Variants in NRXN1 observed in about 807,000 individuals in gnomAD.
NRXN1 encodes neurexin-1.
Under a neutral mutation model 150.9 loss-of-function variants are expected in NRXN1, and 39 were observed. The ratio of observed to expected loss-of-function variants is 0.26; its 90% CI spans 0.20 to 0.34. NRXN1 has a LOEUF of 0.34. Ranked by LOEUF, NRXN1 falls within the 10% of genes least tolerant of loss-of-function variation. NRXN1 has a pLI of 1.00. For missense variants in NRXN1, 1,815 were observed against 1,949.9 expected (o/e 0.93, Z 1.30); for synonymous variants, 924 against 757.0 (o/e 1.22, Z -3.62).
At chr2:50,976,005 T>C (rs908477904) in intron 2 of NRXN1, among the ~76,000 whole-genome samples, 2 of 152,160 alleles carry the variant, frequency 1.3e-5, no homozygotes, top group South Asian at 2.1e-4. Context: ...ATATTTTTTA[T>C]ATTTTGTCCC....
intron 17 of NRXN1, among the ~76,000 whole-genome samples, chr2:50,246,568 A>G (rs2066526635): frequency 6.6e-6 from 1 of 151,954 alleles, no homozygotes; most frequent in African/African-American, 2.4e-5. Context: ...CGTCAAAACC[A>G]TTTACTAATT....
intron 2 of NRXN1, among the ~76,000 whole-genome samples, chr2:50,969,724 G>A (rs973685206): frequency 6.6e-6 from 1 of 152,122 alleles, no homozygotes; most frequent in Non-Finnish European, 1.5e-5. Flanking sequence ...ACTATATCTA[G>A]ATCAAAGCTT....
intron 21 of NRXN1, among the ~76,000 whole-genome samples, chr2:50,006,890 G>C (rs1392625898): frequency 6.6e-6 from 1 of 152,102 alleles, no homozygotes; most frequent in Non-Finnish European, 1.5e-5. Context: ...TGGATCATCA[G>C]AACGATTTAG....
chr2:50,038,738 C>G (rs1429697375), intron 21 of NRXN1, among the ~76,000 whole-genome samples: 1 of 151,428 alleles, frequency 6.6e-6, no homozygotes, highest in South Asian at 2.1e-4. Flanking sequence ...TCCGTCCTTC[C>G]CTCCCTCTCT....
At chr2:49,931,029 G>C (rs1483608884) in intron 22 of NRXN1, among the ~76,000 whole-genome samples, 1 of 152,210 alleles carries the variant, frequency 6.6e-6, no homozygotes, top group Non-Finnish European at 1.5e-5. Flanking sequence ...AGCTACTCGA[G>C]TCCGAGGTGG....
intron 8 of NRXN1, among the ~76,000 whole-genome samples, chr2:50,553,651 AG>A (rs1285425311): frequency 3.3e-5 from 5 of 152,262 alleles, no homozygotes; most frequent in African/African-American, 1.2e-4. Flanking sequence ...AATACTGTTA[AG>A]TAATGTGGCA....
intron 19 of NRXN1, among the ~76,000 whole-genome samples, chr2:50,056,984 C>T (rs962115614): frequency 2.0e-5 from 3 of 152,066 alleles, no homozygotes; most frequent in African/African-American, 7.2e-5. Flanking sequence ...AGACACCATC[C>T]GAATCTAGGT....
intron 5 of NRXN1, among the ~76,000 whole-genome samples, chr2:50,913,686 T>G (rs1684834600): frequency 6.6e-6 from 1 of 151,770 alleles, no homozygotes; most frequent in African/African-American, 2.4e-5. Context: ...ACACGAATAA[T>G]TAATAGAGAG....
At chr2:50,303,454 C>T (rs1331011795) in intron 17 of NRXN1, among the ~76,000 whole-genome samples, 2 of 152,142 alleles carry the variant, frequency 1.3e-5, no homozygotes, top group Admixed American at 6.6e-5. Flanking sequence ...CATTTCTCTT[C>T]TTTGGCTTTA....
At chr2:50,187,478 C>T (rs1049415960) in intron 18 of NRXN1, among the ~76,000 whole-genome samples, 7 of 151,900 alleles carry the variant, frequency 4.6e-5, no homozygotes, top group African/African-American at 1.4e-4. Flanking sequence ...ATGCAAATGC[C>T]TTTTTCTTTA....
intron 2 of NRXN1, among the ~76,000 whole-genome samples, chr2:50,955,200 G>C (rs1692090878): frequency 6.6e-6 from 1 of 152,122 alleles, no homozygotes; most frequent in African/African-American, 2.4e-5. Context: ...ATAAAGTGGA[G>C]GCTGCAAATA....
At chr2:50,440,458 T>A (rs529074228) in intron 17 of NRXN1, among the ~76,000 whole-genome samples, 3 of 152,150 alleles carry the variant, frequency 2.0e-5, no homozygotes, top group African/African-American at 7.2e-5. Context: ...ACTGATTGTA[T>A]CTCTGCCCTT....
At chr2:50,846,033 A>C (rs1673597400) in intron 5 of NRXN1, among the ~76,000 whole-genome samples, 1 of 152,180 alleles carries the variant, frequency 6.6e-6, no homozygotes, top group Admixed American at 6.5e-5. Context: ...TTCACATTAA[A>C]ATTTCTTTTC....
In NRXN1 at chr2:49,964,492, A is replaced by G. The variant is rs373913325; in HGVS notation, c.4129-20701T>C. ...CTACTCGGGAGGCTGAGGCGGGAAA[A>G]TTGCTTGAACTAGGGAGGTGGAGGT... On this transcript the variant is annotated intron_variant, in intron 21 of 22. Transcript: ENST00000401669. 5.9e-5 allele frequency among the ~76,000 whole-genome samples: 9 copies of G among 151,978 alleles called. 1 individual carries two copies. The highest frequency in any genetic ancestry group is 1.9e-4 in the African/African-American group (8 of 41,434).
At chr2:50,871,612 T>C (rs533127749) in intron 5 of NRXN1, among the ~76,000 whole-genome samples, 2 of 151,898 alleles carry the variant, frequency 1.3e-5, no homozygotes, top group Non-Finnish European at 1.5e-5. Flanking sequence ...TCTGCTGCTA[T>C]ATTGTTTCTA....
chr2:50,258,389 C>A (rs1380106067), intron 17 of NRXN1, among the ~76,000 whole-genome samples: 2 of 152,004 alleles, frequency 1.3e-5, no homozygotes, highest in African/African-American at 4.8e-5. Context: ...CATGAAACCA[C>A]ATTTTTCATT....
intron 8 of NRXN1, among the ~76,000 whole-genome samples, chr2:50,553,954 G>A (rs144813457): frequency 6.6e-6 from 1 of 152,144 alleles, no homozygotes. Context: ...AGGATAAAGA[G>A]AGAAGGACAC....
intron 21 of NRXN1, among the ~76,000 whole-genome samples, chr2:49,951,160 T>C (rs1246259099): frequency 2.0e-5 from 3 of 151,864 alleles, no homozygotes; most frequent in Admixed American, 6.6e-5. Flanking sequence ...AAGGAAAATA[T>C]AGGAATATGG....
At chr2:50,705,049 AACACACACACACAC>A (rs10679163) in intron 5 of NRXN1, among the ~76,000 whole-genome samples, 2 of 145,738 alleles carry the variant, frequency 1.4e-5, no homozygotes, top group African/African-American at 5.0e-5. Flanking sequence ...CAGAAACACA[AACACACACACACAC>A]ACACACACAC....
Sources: allele counts gnomAD v4.1 joint callset (sites outside exome capture counted in the v4.1 genomes callset), GRCh38; gene constraint gnomAD v4.1.1; transcripts MANE v1.5; gene names NCBI Gene and HGNC (gene_info 2026-07-23, HGNC 2026-07-21).